Variants in CISD3 observed in about 807,000 individuals in gnomAD.
The protein encoded by CISD3 is CDGSH iron-sulfur domain-containing protein 3, mitochondrial.
Under a neutral mutation model 14.1 loss-of-function variants are expected in CISD3, and 11 were observed. The observed-to-expected ratio is 0.78, with a 90% confidence interval of 0.49 to 1.29. CISD3 has a LOEUF of 1.29. CISD3 is among the 50% of genes most tolerant of loss of function. The probability of loss-of-function intolerance (pLI) is 0.00; values close to 1 mark genes in which losing one functional copy is unlikely to be tolerated. For missense variants in CISD3, 156 were observed against 171.6 expected (o/e 0.91, Z 0.51); for synonymous variants, 53 against 69.2 (o/e 0.77, Z 1.16).
intron 3 of CISD3, 119 bp downstream of exon 3, chr17:38,731,558 G>A: frequency 7.3e-7 from 1 of 1,373,206 alleles, no homozygotes; most frequent in Non-Finnish European, 9.9e-7. Flanking sequence ...GACACCAAGG[G>A]GGCTTGGGAA....
intron 3 of CISD3, 103 bp downstream of exon 3, chr17:38,731,542 C>G: frequency 1.4e-6 from 2 of 1,432,648 alleles, no homozygotes; most frequent in Non-Finnish European, 9.5e-7. Flanking sequence ...CCACACATAC[C>G]TGAGGGACAC....
chr17:38,731,471 C>T lies in CISD3; in HGVS notation c.204+32C>T, dbSNP rs183023647. On this transcript the variant is annotated intron_variant, in intron 3 of 3. Transcript: ENST00000613478. Reference sequence around the variant, plus strand: ...CCCCTGTCTGCCTTCCTACTGATACCTCTGGCTAGGAACAGCCTGGTGTCT... The same window carrying T: ...CCCCTGTCTGCCTTCCTACTGATACTTCTGGCTAGGAACAGCCTGGTGTCT... The T allele has an allele frequency of 9.9e-5, 153 of 1,551,296 alleles. 1 individual carries two copies. The African/African-American group carries it at 1.8e-3, about 19-fold the overall frequency.
At position 38,735,527 on chromosome 17, in the gene CISD3, G is replaced by C; in HGVS notation, c.*2072G>C. 1.9e-6 allele frequency: 3 copies of C among 1,590,842 alleles called. No individual in the cohort carries two copies. The highest frequency in any genetic ancestry group is 1.1e-5 in the South Asian group (1 of 87,542). On this transcript the variant is annotated 3_prime_UTR_variant, in exon 4 of 4. Coordinates refer to ENST00000613478, the MANE Select transcript of CISD3 (RefSeq NM_001136498.2). ...CCCGCTGGTGTTGGTGCCCTCGGAG[G>C]GGGTGGGCACCGTGGCTAGGGTGAG...
chr17:38,735,160 G>A lies in CISD3; in HGVS notation c.*1705G>A. The A allele has an allele frequency of 7.9e-7, 1 of 1,258,484 alleles. No individual in the cohort carries two copies. Among genetic ancestry groups the A allele is most frequent in the Non-Finnish European group, 1.0e-6 (1 of 976,384 alleles). The allele number at this position is 1,258,484 out of a possible 1,614,324, so 78.0% of individuals were successfully genotyped here. On this transcript the variant is annotated 3_prime_UTR_variant, in exon 4 of 4. Coordinates refer to ENST00000613478, the MANE Select transcript of CISD3 (RefSeq NM_001136498.2). ...GGGAAAGTAGAAGAGGTGGAAAAAA[G>A]GGCCCAGAAAAAGTGGAAGGAGTGG...
Position 38,733,621 on chromosome 17 carries a change from G to A in CISD3, c.*166G>A. 1 of 739,322 alleles carries A rather than the reference G, an allele frequency of 1.4e-6. No individual in the cohort carries two copies. The highest frequency in any genetic ancestry group is 2.1e-6 in the Non-Finnish European group (1 of 486,316). The allele number at this position is 739,322 out of a possible 1,614,324, so 45.8% of individuals were successfully genotyped here. A position where few individuals can be genotyped will look rare whatever the true frequency, so the allele number is the denominator to read the frequency against. ...ATAACCTAAAAGTCTCCAGTCTGGG[G>A]CAGGCGGGAGTGGGCCCTGGTTCAA... On this transcript the variant is annotated 3_prime_UTR_variant, in exon 4 of 4. Transcript: ENST00000613478.
At chr17:38,730,563 A>G in intron 1 of CISD3, 157 bp downstream of exon 1, 1 of 843,096 alleles carries the variant, frequency 1.2e-6, no homozygotes, top group Non-Finnish European at 1.8e-6. Flanking sequence ...CCCGAGCGCC[A>G]GTCCCTGCCA....
In CISD3 at chr17:38,732,938, GACACAC is replaced by G. The variant is rs148830489; in HGVS notation, c.205-313_205-308del. On this transcript the variant is annotated intron_variant, in intron 3 of 3. Transcript: ENST00000613478. Reference sequence around the variant, plus strand: ...TTTCATGATCCAGTGGAGACTCAGAGACACACACACACACACACACACACACACACT... The same window carrying G: ...TTTCATGATCCAGTGGAGACTCAGAGACACACACACACACACACACACACT... 7.7e-5 allele frequency among the ~76,000 whole-genome samples: 9 copies of G among 116,572 alleles called. No individual in the cohort carries two copies. In the Admixed American group the frequency reaches 8.5e-4, roughly 11 times the overall value. 76.5% of individuals were successfully genotyped at this position (116,572 alleles called of 152,430 possible). A position where few individuals can be genotyped will look rare whatever the true frequency, so the allele number is the denominator to read the frequency against.
chr17:38,735,029 G>A lies in CISD3; in HGVS notation c.*1574G>A, dbSNP rs984748425. The A allele has an allele frequency of 2.5e-6, 1 of 406,784 alleles. No individual in the cohort carries two copies. Among genetic ancestry groups the A allele is most frequent in the African/African-American group, 2.1e-5 (1 of 48,498 alleles). 25.2% of individuals were successfully genotyped at this position (406,784 alleles called of 1,614,324 possible). ...TTTCCTGTGGCATTTAAATTAATCTGGTTGGTCCATAGAAAATAAGTATGT... is the reference window on the plus strand; with the variant it reads ...TTTCCTGTGGCATTTAAATTAATCTAGTTGGTCCATAGAAAATAAGTATGT... On this transcript the variant is annotated 3_prime_UTR_variant, in exon 4 of 4. Coordinates refer to ENST00000613478, the MANE Select transcript of CISD3 (RefSeq NM_001136498.2).
chr17:38,733,510 A>G lies in CISD3; in HGVS notation c.*55A>G, dbSNP rs1257312093. 2.0e-5 allele frequency: 29 copies of G among 1,448,000 alleles called. No homozygotes were observed. Among genetic ancestry groups the G allele is most frequent in the Non-Finnish European group, 2.6e-5 (28 of 1,093,758 alleles). The allele number at this position is 1,448,000 out of a possible 1,614,324, so 89.7% of individuals were successfully genotyped here. On this transcript the variant is annotated 3_prime_UTR_variant, in exon 4 of 4. Transcript: ENST00000613478. ...CCTTGGCTCCAGGCCTCTGACAGGC[A>G]CCCCCTTCTGTGGGAAAGGAAACAG...
rs1906636044 is a variant in CISD3 at position 38,735,526 on chromosome 17, G to GGGGGTGGGCACCGTGGCT, written c.*2072_*2089dup. 1.9e-6 allele frequency: 3 copies of GGGGGTGGGCACCGTGGCT among 1,590,466 alleles called. No homozygotes were observed. The highest frequency in any genetic ancestry group is 1.7e-6 in the Non-Finnish European group (2 of 1,168,624). On this transcript the variant is annotated 3_prime_UTR_variant, in exon 4 of 4. Coordinates refer to ENST00000613478, the MANE Select transcript of CISD3 (RefSeq NM_001136498.2). ...CCCCGCTGGTGTTGGTGCCCTCGGA[G>GGGGGTGGGCACCGTGGCT]GGGGTGGGCACCGTGGCTAGGGTGA...
chr17:38,731,211 G>A, intron 2 of CISD3, 109 bp from the exon 3 acceptor site: 1 of 1,446,502 alleles, frequency 6.9e-7, no homozygotes, highest in Non-Finnish European at 9.3e-7. Context: ...CTCTTGTAGA[G>A]GAAACCTGCC....
rs752439412 is a variant in CISD3, at chr17:38,735,432, G to A, written c.*1977G>A. 1.3e-6 allele frequency: 2 copies of A among 1,581,004 alleles called. No homozygotes were observed. The highest frequency in any genetic ancestry group is 1.2e-5 in the South Asian group (1 of 86,714). ...TGGGATGGGGTGGCTGGGCTGGGCA[G>A]GGAGGAGGAGGTGGCTGGCAGGGTG... On this transcript the variant is annotated 3_prime_UTR_variant, in exon 4 of 4. Coordinates refer to ENST00000613478, the MANE Select transcript of CISD3 (RefSeq NM_001136498.2).
Position 38,734,946 on chromosome 17 carries a change from A to ACC in CISD3, c.*1498_*1499dup, listed in dbSNP as rs138572530. The stretch of plus-strand genomic sequence containing the variant: ...CCCCAAAAACAGCAAATTACACAAG[A>ACC]CCCCCCCCAAAAAAAATGAACACCA... On this transcript the variant is annotated 3_prime_UTR_variant, in exon 4 of 4. Transcript: ENST00000613478. 1.3e-4 allele frequency: 33 copies of ACC among 251,382 alleles called. No homozygotes were observed. The highest frequency in any genetic ancestry group is 8.3e-4 in the Admixed American group (15 of 17,982). The allele number at this position is 251,382 out of a possible 1,614,324, so 15.6% of individuals were successfully genotyped here. A position where few individuals can be genotyped will look rare whatever the true frequency, so the allele number is the denominator to read the frequency against.
chr17:38,730,888 C>T, intron 2 of CISD3, 93 bp downstream of exon 2: 1 of 1,333,304 alleles, frequency 7.5e-7, no homozygotes, highest in East Asian at 2.5e-5. Context: ...AGGAAGAGTA[C>T]AGGCCTATTC....
chr17:38,731,553 C>A lies in CISD3; in HGVS notation c.204+114C>A. The A allele has an allele frequency of 3.6e-6, 5 of 1,385,506 alleles. No homozygotes were observed. In the South Asian group the frequency reaches 6.8e-5, roughly 19 times the overall value. The allele number at this position is 1,385,506 out of a possible 1,614,324, so 85.8% of individuals were successfully genotyped here. A position where few individuals can be genotyped will look rare whatever the true frequency, so the allele number is the denominator to read the frequency against. ...CTTCCCACACATACCTGAGGGACAC[C>A]AAGGGGGCTTGGGAACAAAAGGCCA... On this transcript the variant is annotated intron_variant, in intron 3 of 3. Coordinates refer to ENST00000613478, the MANE Select transcript of CISD3 (RefSeq NM_001136498.2).
At position 38,735,259 on chromosome 17, in the gene CISD3, C is replaced by T; in HGVS notation, c.*1804C>T. 6.8e-7 allele frequency: 1 copy of T among 1,462,768 alleles called. No individual in the cohort carries two copies. Among genetic ancestry groups the T allele is most frequent in the Non-Finnish European group, 9.1e-7 (1 of 1,096,870 alleles). 90.6% of individuals were successfully genotyped at this position (1,462,768 alleles called of 1,614,324 possible). ...GGGGCACGGGAGCGCCGTTGACAGT[C>T]ATCTTGCGCCCCCTGCTGGTGGAGG... On this transcript the variant is annotated 3_prime_UTR_variant, in exon 4 of 4. Coordinates refer to ENST00000613478, the MANE Select transcript of CISD3 (RefSeq NM_001136498.2).
chr17:38,733,228 C>T lies in CISD3; in HGVS notation c.205-48C>T, dbSNP rs1906423192. ...AGCTCCTGCAGCCTGCCCTGCCCTG[C>T]CCCAGCAGGTGGGGTCAGGTCTTTG... is the stretch of plus-strand genomic sequence containing the variant. On this transcript the variant is annotated intron_variant, in intron 3 of 3. Transcript: ENST00000613478. 13 of 1,543,492 alleles carry T rather than the reference C, an allele frequency of 8.4e-6. No homozygotes were observed. In the East Asian group the frequency reaches 3.2e-4, roughly 38 times the overall value.
intron 1 of CISD3, 142 bp from the exon 2 acceptor site, chr17:38,730,618 C>T (rs1446666362): frequency 2.2e-6 from 2 of 903,354 alleles, no homozygotes; most frequent in Non-Finnish European, 3.5e-6. Flanking sequence ...TTTTCTTACC[C>T]TCTCATTCCT....
rs577539353 is a variant in CISD3, at chr17:38,730,554, C to T, written c.48+148C>T. On this transcript the variant is annotated intron_variant, in intron 1 of 3. Transcript: ENST00000613478. ...GCTTGCCTCAGCTCACAGGCTTTTC[C>T]CGAGCGCCAGTCCCTGCCAGGACCT... The T allele has an allele frequency of 2.3e-5, 20 of 883,922 alleles. No individual in the cohort carries two copies. In the African/African-American group the frequency reaches 2.5e-4, roughly 11 times the overall value. The allele number at this position is 883,922 out of a possible 1,614,324, so 54.8% of individuals were successfully genotyped here.
Sources: allele counts gnomAD v4.1 joint callset (sites outside exome capture counted in the v4.1 genomes callset), GRCh38; gene constraint gnomAD v4.1.1; transcripts MANE v1.5; gene names NCBI Gene and HGNC (gene_info 2026-07-23, HGNC 2026-07-21).